Variants in C1orf94 observed in about 807,000 individuals in gnomAD.
C1orf94 encodes the protein uncharacterized protein C1orf94.
In C1orf94, 45 loss-of-function variants were observed where a neutral mutation model predicts 53.6. That is an observed-to-expected ratio of 0.84 (90% CI 0.66 to 1.08). The LOEUF is 1.08. Ranked by LOEUF, C1orf94 falls within the 50% of genes least tolerant of loss-of-function variation. C1orf94 has a pLI of 0.00. For missense variants in C1orf94, 762 were observed against 738.9 expected, an observed-to-expected ratio of 1.03 and a Z score of -0.36; for synonymous variants, 304 against 296.1, an observed-to-expected ratio of 1.03 and a Z score of -0.27.
intron 2 of C1orf94, among the ~76,000 whole-genome samples, chr1:34,200,094 T>C (rs538992276): frequency 6.6e-6 from 1 of 152,370 alleles, no homozygotes; most frequent in East Asian, 1.9e-4. Context: ...GACTCACAAC[T>C]GTGTCCCCAG....
Position 34,177,912 on chromosome 1 carries a change from C to T in C1orf94, c.123C>T (p.Pro41=), listed in dbSNP as rs1278347054. Residue 41 remains proline (P), a synonymous_variant, in exon 1 of 7, where the codon CCC becomes CCT. Coordinates refer to ENST00000488417, the MANE Select transcript of C1orf94 (RefSeq NM_001134734.2). ...CCTCGGCCCTGGTGGCCAAGGGCCC[C>T]TGCGCCCTGGGCCCATTCCCCAGAT... ...PSSSALVAKG[P]CALGPFPRYI... The T allele has an allele frequency of 2.6e-6, 4 of 1,551,568 alleles. No homozygotes were observed. The highest frequency in any genetic ancestry group is 2.6e-6 in the Non-Finnish European group (3 of 1,146,984).
chr1:34,180,170 T>C (rs748354474), intron 1 of C1orf94, among the ~76,000 whole-genome samples: 7 of 152,232 alleles, frequency 4.6e-5, no homozygotes, highest in African/African-American at 7.2e-5. Flanking sequence ...AGATTAATAC[T>C]ATACATTTTG....
upstream of C1orf94, among the ~76,000 whole-genome samples, chr1:34,174,053 G>A (rs928517941): frequency 6.6e-6 from 1 of 152,252 alleles, no homozygotes; most frequent in Admixed American, 6.5e-5. Context: ...TCTGTCTAGG[G>A]TAGACATCTT....
At chr1:34,181,761 A>T (rs781094921) in intron 1 of C1orf94, among the ~76,000 whole-genome samples, 5 of 152,264 alleles carry the variant, frequency 3.3e-5, no homozygotes, top group Admixed American at 6.5e-5. Context: ...GAAATAGAGC[A>T]GAGGGAAGTG....
At chr1:34,171,918 G>C (rs555517074), upstream of C1orf94, among the ~76,000 whole-genome samples, 3 of 152,334 alleles carry the variant, frequency 2.0e-5, no homozygotes, top group Admixed American at 6.5e-5. Flanking sequence ...CTGGAAAGTA[G>C]CAACTGTTTC....
chr1:34,187,221 T>G (rs1292840340), intron 1 of C1orf94, among the ~76,000 whole-genome samples: 1 of 152,150 alleles, frequency 6.6e-6, no homozygotes, highest in East Asian at 1.9e-4. Context: ...ACTCCCATTT[T>G]ATAGATGAGA....
chr1:34,201,933 G>A, intron 3 of C1orf94, 151 bp from the exon 4 acceptor site: 1 of 678,308 alleles, frequency 1.5e-6, no homozygotes, highest in Non-Finnish European at 2.4e-6. Flanking sequence ...CCTATAGTTG[G>A]AAATGTACTA....
Position 34,178,112 on chromosome 1 carries a change from A to G in C1orf94, c.320+3A>G. On this transcript the variant is annotated splice_donor_region_variant and intron_variant, in intron 1 of 6. Transcript: ENST00000488417. ...AATGAGCTCAGCTTTCAAGAAGAGT[A>G]AGTACCCCCCTACTCCATTGGCAGC... 2 of 1,550,618 alleles carry G rather than the reference A, an allele frequency of 1.3e-6. No homozygotes were observed. The highest frequency in any genetic ancestry group is 3.3e-4 in the Middle Eastern group (2 of 5,986).
chr1:34,215,014 G>C (rs983826406), intron 6 of C1orf94, among the ~76,000 whole-genome samples: 1 of 151,728 alleles, frequency 6.6e-6, no homozygotes, highest in East Asian at 1.9e-4. Flanking sequence ...TGAAGTGAAC[G>C]AAAAAAAGGT....
chr1:34,198,147 T>G (rs535747073), intron 2 of C1orf94, among the ~76,000 whole-genome samples: 15 of 152,342 alleles, frequency 9.8e-5, no homozygotes, highest in African/African-American at 3.6e-4. Context: ...GGCCCTGATC[T>G]CAACATACTT....
At chr1:34,217,473 A>G (rs1057027915) in intron 6 of C1orf94, among the ~76,000 whole-genome samples, 4 of 71,896 alleles carry the variant, frequency 5.6e-5, no homozygotes, top group Admixed American at 1.5e-4. Context: ...TGATTTCTGA[A>G]TGATCCCAAT....
intron 1 of C1orf94, among the ~76,000 whole-genome samples, chr1:34,193,382 T>G (rs1642529898): frequency 6.6e-6 from 1 of 152,178 alleles, no homozygotes; most frequent in Admixed American, 6.5e-5. Flanking sequence ...GACATGGAGC[T>G]GTCAGGGACA....
intron 1 of C1orf94, among the ~76,000 whole-genome samples, chr1:34,185,369 A>C (rs2148613324): frequency 6.6e-6 from 1 of 152,138 alleles, no homozygotes; most frequent in Non-Finnish European, 1.5e-5. Context: ...TAGTAGAGAC[A>C]GGGTTTCACC....
rs370151677 is a variant in C1orf94, at chr1:34,200,961, G to C, written c.1199G>C (p.Gly400Ala). Reference sequence around the variant, plus strand: ...AAGAACTTGCTCTATGAGTTCCTTGGGGCCACCAAGAACCCAAGCGGGCAG... The same window carrying C: ...AAGAACTTGCTCTATGAGTTCCTTGCGGCCACCAAGAACCCAAGCGGGCAG... Reference protein sequence around the residue: ...AEKNLLYEFLGATKNPSGQPR... With the variant: ...AEKNLLYEFLAATKNPSGQPR... Residue 400 changes from glycine to alanine, a missense_variant, in exon 3 of 7, where the codon GGG (glycine) becomes GCG (alanine). Coordinates refer to ENST00000488417, the MANE Select transcript of C1orf94 (RefSeq NM_001134734.2). 1 of 1,613,892 alleles carries C rather than the reference G, an allele frequency of 6.2e-7. No individual in the cohort carries two copies. The highest frequency in any genetic ancestry group is 8.5e-7 in the Non-Finnish European group (1 of 1,179,944).
At chr1:34,170,814 G>C (rs1232494969) in intron 1 of C1orf94, among the ~76,000 whole-genome samples, 1 of 151,892 alleles carries the variant, frequency 6.6e-6, no homozygotes, top group African/African-American at 2.4e-5. Context: ...CATCCACCCA[G>C]ATCCTGAGCC....
chr1:34,214,205 T>C (rs552236051), intron 6 of C1orf94, among the ~76,000 whole-genome samples: 1 of 152,228 alleles, frequency 6.6e-6, no homozygotes, highest in East Asian at 1.9e-4. Flanking sequence ...AGGAGGGCAT[T>C]CCAGGCAGGA....
chr1:34,200,975 C>A lies in C1orf94; in HGVS notation c.1213C>A (p.Pro405Thr). 1 of 1,613,590 alleles carries A rather than the reference C, an allele frequency of 6.2e-7. No homozygotes were observed. Among genetic ancestry groups the A allele is most frequent in the Non-Finnish European group, 8.5e-7 (1 of 1,179,802 alleles). The part of the protein sequence containing the change: ...LYEFLGATKN[P>T]SGQPRLRNKV... ...TGAGTTCCTTGGGGCCACCAAGAAC[C>A]CAAGCGGGCAGCCGAGACTTCGAAA... is the stretch of plus-strand genomic sequence containing the variant. The change falls in exon 3 of 7, where the codon CCA (proline) becomes ACA (threonine). Residue 405 changes from proline (P) to threonine (T), a missense_variant. Coordinates refer to ENST00000488417, the MANE Select transcript of C1orf94 (RefSeq NM_001134734.2).
intron 6 of C1orf94, among the ~76,000 whole-genome samples, chr1:34,214,850 C>T (rs1198432384): frequency 2.0e-5 from 3 of 151,996 alleles, no homozygotes; most frequent in African/African-American, 7.2e-5. Flanking sequence ...GGTGGATTGG[C>T]GTTCTGAGAG....
intron 1 of C1orf94, among the ~76,000 whole-genome samples, chr1:34,183,711 C>T (rs180794207): frequency 6.6e-6 from 1 of 152,060 alleles, no homozygotes; most frequent in East Asian, 1.9e-4. Flanking sequence ...CAAAAATCAG[C>T]TGAGCGTGGT....
Sources: gnomAD v4.1 joint callset for allele counts (sites outside exome capture counted in the v4.1 genomes callset) on GRCh38, gnomAD v4.1.1 for gene constraint, MANE v1.5 for transcripts, NCBI Gene and HGNC (gene_info 2026-07-23, HGNC 2026-07-21) for gene names.